Variants in PCSK5 observed in about 807,000 individuals in gnomAD.
The protein encoded by PCSK5 is proprotein convertase subtilisin/kexin type 5, also known as prohormone convertase 5.
In PCSK5, 129 loss-of-function variants were observed where a neutral mutation model predicts 233.2. That is an observed-to-expected ratio of 0.55 (90% CI 0.48 to 0.64). The LOEUF (loss-of-function observed/expected upper bound fraction) is 0.64, where lower values mean the gene tolerates loss of function less well. PCSK5 is among the 30% of genes least tolerant of loss of function. The probability of loss-of-function intolerance (pLI) is 0.00; values close to 1 mark genes in which losing one functional copy is unlikely to be tolerated. For synonymous variants in PCSK5, 825 were observed against 879.2 expected (o/e 0.94, Z 1.09); for missense variants, 2,076 against 2,430.1 (o/e 0.85, Z 3.06).
chr9:76,144,281 T>C lies in PCSK5; in HGVS notation c.1312+10069T>C, dbSNP rs544768270. 1.1e-4 allele frequency among the ~76,000 whole-genome samples: 17 copies of C among 152,210 alleles called. No homozygotes were observed. The East Asian group carries it at 3.1e-3, about 28-fold the overall frequency. On this transcript the variant is annotated intron_variant, in intron 10 of 37. Coordinates refer to ENST00000674117, the MANE Select transcript of PCSK5 (RefSeq NM_001372043.1). ...TTTTGTCAGGAAATCATCCGCTTCT[T>C]TTCATGTTTTACCTTCAGAAGTATA...
intron 9 of PCSK5, among the ~76,000 whole-genome samples, chr9:76,108,872 T>A (rs1473639623): frequency 6.6e-6 from 1 of 152,170 alleles, no homozygotes; most frequent in African/African-American, 2.4e-5. Flanking sequence ...GAATATAACG[T>A]GGATACAGCA....
chr9:76,083,106 G>A (rs1830913070), intron 7 of PCSK5, among the ~76,000 whole-genome samples: 1 of 150,720 alleles, frequency 6.6e-6, no homozygotes, highest in South Asian at 2.1e-4. Context: ...CTGTTCAGGA[G>A]GCTAAGGCAG....
intron 9 of PCSK5, among the ~76,000 whole-genome samples, chr9:76,130,143 G>A (rs1275606335): frequency 6.6e-6 from 1 of 152,050 alleles, no homozygotes; most frequent in South Asian, 2.1e-4. Context: ...TTATTTTTCT[G>A]TTTACCTTTG....
chr9:75,891,150 A>G lies in PCSK5; in HGVS notation c.-32A>G, dbSNP rs758746689. The G allele has an allele frequency of 5.5e-6, 8 of 1,441,870 alleles. No homozygotes were observed. The highest frequency in any genetic ancestry group is 2.2e-4 in the Middle Eastern group (1 of 4,514). The allele number at this position is 1,441,870 out of a possible 1,614,324, so 89.3% of individuals were successfully genotyped here. Reference sequence around the variant, plus strand: ...GCGCCCTTAGTGCGCGGAACCAGCCAGCGAGCGAGGGAGCAGCGAGGCGCC... The same window carrying G: ...GCGCCCTTAGTGCGCGGAACCAGCCGGCGAGCGAGGGAGCAGCGAGGCGCC... On this transcript the variant is annotated 5_prime_UTR_variant, in exon 1 of 38. Coordinates refer to ENST00000674117, the MANE Select transcript of PCSK5 (RefSeq NM_001372043.1).
chr9:76,051,529 C>A (rs148742906), intron 5 of PCSK5, among the ~76,000 whole-genome samples: 4 of 152,036 alleles, frequency 2.6e-5, no homozygotes, highest in African/African-American at 9.7e-5. Flanking sequence ...CAGTTCATTA[C>A]TTGAAAGTGT....
rs202037904 is a variant in PCSK5 at position 76,157,152 on chromosome 9, C to A, written c.1420C>A (p.Arg474=). The A allele has an allele frequency of 1.3e-4, 208 of 1,609,862 alleles. No individual in the cohort carries two copies. Among genetic ancestry groups the A allele is most frequent in the Non-Finnish European group, 1.6e-4 (185 of 1,176,928 alleles). ...GCACGTGTGTGTGGAGAGCACAGAC[C>A]GACAAATCAAGTAATGCTTGCTGCC... ...RQHVCVESTD[R]QIKTIRPNSA... is the part of the protein sequence containing the mutation. The change falls in exon 11 of 38, where the codon CGA becomes AGA. Residue 474 remains arginine, a synonymous_variant. Transcript: ENST00000674117.
chr9:75,994,396 C>CTTTTTT (rs1826907729), intron 3 of PCSK5, among the ~76,000 whole-genome samples: 3 of 68,332 alleles, frequency 4.4e-5, no homozygotes, highest in African/African-American at 1.6e-4. Flanking sequence ...TTCTTTCTTT[C>CTTTTTT]TTTCTTTTTT....
intron 35 of PCSK5, among the ~76,000 whole-genome samples, chr9:76,342,204 T>A (rs11144840): frequency 0.39 from 59,246 of 152,046 alleles, 12,124 homozygotes; most frequent in East Asian, 0.75. Context: ...ATAAAATATT[T>A]TTTTAATGCA....
chr9:75,993,226 G>A (rs1826851293), intron 3 of PCSK5, among the ~76,000 whole-genome samples: 1 of 152,008 alleles, frequency 6.6e-6, no homozygotes, highest in African/African-American at 2.4e-5. Flanking sequence ...TCTGAGGCAA[G>A]CAGGAGACCT....
intron 20 of PCSK5, among the ~76,000 whole-genome samples, chr9:76,203,448 G>A (rs961181628): frequency 3.3e-5 from 5 of 151,680 alleles, no homozygotes; most frequent in Non-Finnish European, 5.9e-5. Flanking sequence ...TGGGCCCAAG[G>A]TAGAGGCAAT....
chr9:75,890,771 C>A lies in PCSK5; in HGVS notation c.-411C>A, dbSNP rs866770279. 6.0e-4 allele frequency: 103 copies of A among 170,966 alleles called. No individual in the cohort carries two copies. Among genetic ancestry groups the A allele is most frequent in the Middle Eastern group, 5.0e-3 (2 of 398 alleles). 10.6% of individuals were successfully genotyped at this position (170,966 alleles called of 1,614,324 possible). Reference sequence around the variant, plus strand: ...CGGGCCAGCAGAGGGGGCGCCCGGTCGCTGCCTGTACCGCTCCCGCTGGTC... The same window carrying A: ...CGGGCCAGCAGAGGGGGCGCCCGGTAGCTGCCTGTACCGCTCCCGCTGGTC... On this transcript the variant is annotated 5_prime_UTR_variant, in exon 1 of 38. Coordinates refer to ENST00000674117, the MANE Select transcript of PCSK5 (RefSeq NM_001372043.1).
chr9:76,076,117 A>G (rs1044718644), intron 7 of PCSK5, among the ~76,000 whole-genome samples: 6 of 152,230 alleles, frequency 3.9e-5, no homozygotes, highest in Non-Finnish European at 8.8e-5. Flanking sequence ...TAACAAGCCC[A>G]TCATATGAAG....
chr9:76,026,756 AG>A (rs1182722196), intron 4 of PCSK5, among the ~76,000 whole-genome samples: 2 of 152,124 alleles, frequency 1.3e-5, no homozygotes, highest in Non-Finnish European at 2.9e-5. Context: ...CTTCACCTTA[AG>A]GGGGAAAAAT....
intron 1 of PCSK5, among the ~76,000 whole-genome samples, chr9:75,898,451 C>T (rs75152432): frequency 0.024 from 3,584 of 152,222 alleles, 48 homozygotes; most frequent in South Asian, 0.032. Flanking sequence ...GAAAAAGACT[C>T]CTGATCGTTG....
intron 1 of PCSK5, among the ~76,000 whole-genome samples, chr9:75,911,653 G>A (rs989048352): frequency 6.6e-6 from 1 of 152,116 alleles, no homozygotes; most frequent in African/African-American, 2.4e-5. Context: ...TGACTGCTGG[G>A]TCACCTGGGC....
chr9:76,302,205 C>A lies in PCSK5; in HGVS notation c.3592C>A (p.Gln1198Lys), dbSNP rs774682384. 4.0e-5 allele frequency: 54 copies of A among 1,347,904 alleles called. No individual in the cohort carries two copies. Among genetic ancestry groups the A allele is most frequent in the Non-Finnish European group, 2.6e-5 (26 of 1,011,038 alleles). The allele number at this position is 1,347,904 out of a possible 1,614,324, so 83.5% of individuals were successfully genotyped here. A position where few individuals can be genotyped will look rare whatever the true frequency, so the allele number is the denominator to read the frequency against. The stretch of plus-strand genomic sequence containing the variant: ...GCAGGAGCGACGAAGGTGGAAAGTT[C>A]AAATCAAAAGAGGTAACAGGGAAAT... ...LLQERRRWKV[Q>K]IKRDILRKLQ... Residue 1198 changes from glutamine to lysine, a missense_variant, in exon 28 of 38, where the codon CAA becomes AAA. Gln to Lys is a moderately conservative substitution (Grantham distance 53, BLOSUM62 1). Around this residue, in one of 6 missense-constraint regions of PCSK5, gnomAD observed 1,510 missense variants for 1,538.1 expected, o/e 0.98. Coordinates refer to ENST00000674117, the MANE Select transcript of PCSK5 (RefSeq NM_001372043.1).
intron 10 of PCSK5, among the ~76,000 whole-genome samples, chr9:76,142,114 A>C (rs1439933866): frequency 6.6e-6 from 1 of 151,892 alleles, no homozygotes; most frequent in Non-Finnish European, 1.5e-5. Flanking sequence ...CTGCATATGT[A>C]CTCCTAAACC....
intron 10 of PCSK5, among the ~76,000 whole-genome samples, chr9:76,142,954 T>G (rs559617567): frequency 1.3e-5 from 2 of 152,334 alleles, no homozygotes; most frequent in South Asian, 2.1e-4. Context: ...ATAAGATTAC[T>G]TGGATTTCAA....
intron 32 of PCSK5, among the ~76,000 whole-genome samples, chr9:76,325,750 G>A (rs1363179096): frequency 6.6e-6 from 1 of 152,100 alleles, no homozygotes; most frequent in African/African-American, 2.4e-5. Flanking sequence ...AGATTCTCCT[G>A]CTTCAGCTTC....
Sources: gnomAD v4.1 joint callset for allele counts (sites outside exome capture counted in the v4.1 genomes callset) on GRCh38, gnomAD v4.1.1 for gene constraint, gnomAD v4.1.1 regional missense constraint, MANE v1.5 for transcripts, NCBI Gene and HGNC (gene_info 2026-07-23, HGNC 2026-07-21) for gene names.